The following PTRH1 variants were observed in gnomAD, a reference collection of about 807,000 sequenced individuals.
PTRH1 encodes the protein peptidyl-tRNA hydrolase.
Under a neutral mutation model 15.7 loss-of-function variants are expected in PTRH1, and 13 were observed. The observed-to-expected ratio is 0.83, with a 90% CI of 0.54 to 1.31. PTRH1 has a LOEUF of 1.31. PTRH1 is among the 40% of genes most tolerant of loss of function. PTRH1 has a pLI of 0.00. For synonymous variants in PTRH1, 139 were observed against 136.7 expected, an observed-to-expected ratio of 1.02 and a Z score of -0.12; for missense variants, 319 against 296.2, an observed-to-expected ratio of 1.08 and a Z score of -0.56.
chr9:127,706,107 A>T (rs1192436844), intron 1 of PTRH1, among the ~76,000 whole-genome samples: 1 of 152,152 alleles, frequency 6.6e-6, no homozygotes, highest in Non-Finnish European at 1.5e-5. Flanking sequence ...GAACTCTTTC[A>T]CAGAGCAGGG....
chr9:127,699,410 G>C (rs899001891), intron 1 of PTRH1, among the ~76,000 whole-genome samples: 1 of 152,248 alleles, frequency 6.6e-6, no homozygotes, highest in African/African-American at 2.4e-5. Flanking sequence ...GCGGCCTCGG[G>C]ACTGGGCTTG....
chr9:127,702,632 ACT>A (rs1230735106), intron 1 of PTRH1, among the ~76,000 whole-genome samples: 1 of 152,036 alleles, frequency 6.6e-6, no homozygotes, highest in African/African-American at 2.4e-5. Context: ...TTTGTTGCGA[ACT>A]CATCAGGTGT....
At chr9:127,711,475 G>A, downstream of PTRH1, 1 of 1,613,632 alleles carries the variant, frequency 6.2e-7, no homozygotes, top group Non-Finnish European at 8.5e-7. Flanking sequence ...TCATGGCCAG[G>A]CACAAAAGAG....
At chr9:127,702,090 T>C (rs556883191) in intron 1 of PTRH1, among the ~76,000 whole-genome samples, 1 of 151,698 alleles carries the variant, frequency 6.6e-6, no homozygotes, top group Non-Finnish European at 1.5e-5. Flanking sequence ...TAGCCAGAGG[T>C]AGGCTGGGCG....
At chr9:127,709,287 G>C, downstream of PTRH1, 1 of 873,274 alleles carries the variant, frequency 1.1e-6, no homozygotes, top group Non-Finnish European at 1.7e-6. The surrounding 1 kb of genome is among the most constrained non-coding windows in gnomAD (Gnocchi z 4.7). Context: ...AGTGGGAGAT[G>C]AGGCTGGATT....
rs145734701 is a variant in PTRH1 at position 127,696,582 on chromosome 9, G to A, written c.206-1441C>T. ...ACTATCAGAAAAACATTATCATCCG[G>A]GTGCGGAGGCTCACATCTGTTAATC... On this transcript the variant is annotated intron_variant, in intron 1 of 2. Coordinates refer to the PTRH1 transcript ENST00000335223. 9.2e-5 allele frequency among the ~76,000 whole-genome samples: 14 copies of A among 152,124 alleles called. No homozygotes were observed. In the East Asian group the frequency reaches 2.7e-3, roughly 30 times the overall value.
downstream of PTRH1, chr9:127,709,316 A>T: frequency 8.1e-7 from 1 of 1,229,508 alleles, no homozygotes; most frequent in Non-Finnish European, 1.1e-6. This position sits in a 1 kb window ranked among gnomAD's most constrained non-coding sequence, Gnocchi z 4.7. Flanking sequence ...AAGGAAACTC[A>T]AATGCCCCTT....
chr9:127,715,419 C>A lies in PTRH1; in HGVS notation c.96+125G>T, dbSNP rs749912182. 2 of 1,405,676 alleles carry A rather than the reference C, an allele frequency of 1.4e-6. No individual in the cohort carries two copies. The highest frequency in any genetic ancestry group is 9.8e-7 in the Non-Finnish European group (1 of 1,018,850). 87.1% of individuals were successfully genotyped at this position (1,405,676 alleles called of 1,614,324 possible). A position where few individuals can be genotyped will look rare whatever the true frequency, so the allele number is the denominator to read the frequency against. ...GAGCTTCAAGAAGTTTGGAGCCCGTCGAGCACTGAACTCACCAGTTAAGAA... is the reference window on the plus strand; with the variant it reads ...GAGCTTCAAGAAGTTTGGAGCCCGTAGAGCACTGAACTCACCAGTTAAGAA... On this transcript the variant is annotated intron_variant, in intron 1 of 4. Coordinates refer to ENST00000543175, the MANE Select transcript of PTRH1 (RefSeq NM_001002913.3). This position sits in a 1 kb window ranked among gnomAD's most constrained non-coding sequence, Gnocchi z 5.8.
At chr9:127,699,319 C>A (rs1175913110) in intron 1 of PTRH1, among the ~76,000 whole-genome samples, 2 of 152,264 alleles carry the variant, frequency 1.3e-5, no homozygotes, top group Non-Finnish European at 2.9e-5. Context: ...CCTCAACCAA[C>A]GCGGAACCGA....
rs1309580559 is a variant in PTRH1 at position 127,713,841 on chromosome 9, C to T, written c.*259G>A. ...GCATCTTTAATCTTACAGATGCGTG[C>T]CCCTGGTTCTCTAAAAAGGCTTGAA... On this transcript the variant is annotated 3_prime_UTR_variant, in exon 5 of 5. Coordinates refer to ENST00000543175, the MANE Select transcript of PTRH1 (RefSeq NM_001002913.3). The T allele has an allele frequency of 1.2e-6, 2 of 1,613,708 alleles. No homozygotes were observed. The highest frequency in any genetic ancestry group is 1.7e-5 in the Admixed American group (1 of 60,010).
chr9:127,711,634 G>A (rs1319327209), downstream of PTRH1: 14 of 1,220,924 alleles, frequency 1.1e-5, no homozygotes, highest in Non-Finnish European at 1.6e-5. Flanking sequence ...CCTCCTGTGG[G>A]GGCTGCAGGG....
intron 1 of PTRH1, among the ~76,000 whole-genome samples, chr9:127,704,299 G>A (rs921494698): frequency 6.6e-6 from 1 of 152,060 alleles, no homozygotes; most frequent in Admixed American, 6.5e-5. Flanking sequence ...GAGATCAGGA[G>A]TTTGAGACCA....
In PTRH1 at chr9:127,715,315, G is replaced by T; in HGVS notation, c.97-121C>A. On this transcript the variant is annotated intron_variant, in intron 1 of 4. Transcript: ENST00000543175. This position sits in a 1 kb window ranked among gnomAD's most constrained non-coding sequence, Gnocchi z 5.8. ...AGAGCAACGCTGCAGTGGGGAAGGG[G>T]CGCGAAGAAGGGGCCCAGAAACCCG... is the stretch of plus-strand genomic sequence containing the variant. 2.3e-6 allele frequency: 3 copies of T among 1,311,844 alleles called. No individual in the cohort carries two copies. The highest frequency in any genetic ancestry group is 3.2e-6 in the Non-Finnish European group (3 of 942,236). 81.3% of individuals were successfully genotyped at this position (1,311,844 alleles called of 1,614,324 possible). A position where few individuals can be genotyped will look rare whatever the true frequency, so the allele number is the denominator to read the frequency against.
intron 1 of PTRH1, among the ~76,000 whole-genome samples, chr9:127,704,719 C>T (rs1842629796): frequency 6.6e-6 from 1 of 152,052 alleles, no homozygotes; most frequent in Admixed American, 6.6e-5. Flanking sequence ...CTCCCCCTCC[C>T]CATCACTGAC....
chr9:127,697,401 T>C (rs1380300010), intron 1 of PTRH1, among the ~76,000 whole-genome samples: 1 of 152,128 alleles, frequency 6.6e-6, no homozygotes, highest in African/African-American at 2.4e-5. Context: ...GGCTCACACC[T>C]GTAATCCCAG....
At chr9:127,695,053 T>TTGATGATGATGATGATGATGATGA (rs57076743) in exon 2 of PTRH1, 9 of 671,696 alleles carry the variant, frequency 1.3e-5, no homozygotes, top group East Asian at 5.5e-5. Flanking sequence ...GGCTCAGCCA[T>TTGATGATGATGATGATGATGATGA]TGATGATGAT....
At chr9:127,712,889 C>T (rs1449830911), downstream of PTRH1, 3 of 1,603,598 alleles carry the variant, frequency 1.9e-6, no homozygotes, top group African/African-American at 2.7e-5. Context: ...AGCAAGTGGC[C>T]CTGTGTGGCC....
intron 1 of PTRH1, among the ~76,000 whole-genome samples, chr9:127,706,129 G>A (rs1842644912): frequency 6.6e-6 from 1 of 152,202 alleles, no homozygotes; most frequent in Admixed American, 6.5e-5. Context: ...TCAGGCCATT[G>A]GCCCAAGGAC....
chr9:127,696,815 T>C (rs1238713155), intron 1 of PTRH1, among the ~76,000 whole-genome samples: 2 of 152,044 alleles, frequency 1.3e-5, no homozygotes, highest in East Asian at 3.9e-4. Context: ...TGAACTGAGA[T>C]TGTGCCATTC....
Sources: gnomAD v4.1 joint callset for allele counts (sites outside exome capture counted in the v4.1 genomes callset) on GRCh38, gnomAD v4.1.1 for gene constraint, Gnocchi (gnomAD v3.1) non-coding constraint, MANE v1.5 for transcripts, NCBI Gene and HGNC (gene_info 2026-07-23, HGNC 2026-07-21) for gene names.